The following PHEX variants were observed in gnomAD, a reference collection of about 807,000 sequenced individuals.
PHEX encodes phosphate regulating endopeptidase X-linked.
In PHEX, 16 loss-of-function variants were observed where a neutral mutation model predicts 68.0. That is an observed-to-expected ratio of 0.24 (90% CI 0.16 to 0.36). The LOEUF (loss-of-function observed/expected upper bound fraction) is 0.36. PHEX is among the 10% of genes least tolerant of loss of function. The probability of loss-of-function intolerance (pLI) is 1.00; values close to 1 mark genes in which losing one functional copy is unlikely to be tolerated. For synonymous variants in PHEX, 208 were observed against 205.1 expected (o/e 1.01, Z -0.12); for missense variants, 480 against 575.5 (o/e 0.83, Z 1.70).
At chrX:22,222,377 T>C (rs1935298452) in intron 18 of PHEX, among the ~76,000 whole-genome samples, 1 of 111,755 alleles carries the variant, frequency 8.9e-6, no homozygotes, top group African/African-American at 3.3e-5. Context: ...GAGTCAGACA[T>C]GGGTCCAAAT....
chrX:22,040,815 G>A (rs759387304), intron 2 of PHEX, among the ~76,000 whole-genome samples: 29 of 110,264 alleles, frequency 2.6e-4, no homozygotes, highest in Non-Finnish European at 3.8e-4. Context: ...AGCCTCTGGA[G>A]GCTTTTATGA....
intron 11 of PHEX, among the ~76,000 whole-genome samples, chrX:22,127,082 G>A (rs974740665): frequency 4.6e-5 from 5 of 109,118 alleles, no homozygotes; most frequent in Admixed American, 3.0e-4. Context: ...ATGTTGGCCA[G>A]GCTGGTCTTG....
At chrX:22,046,250 T>C (rs1927522492) in intron 2 of PHEX, among the ~76,000 whole-genome samples, 1 of 111,906 alleles carries the variant, frequency 8.9e-6, no homozygotes. Flanking sequence ...AGGGAGTTAA[T>C]ATGGAAGGTG....
intron 20 of PHEX, among the ~76,000 whole-genome samples, chrX:22,240,376 C>A (rs189634700): frequency 8.9e-6 from 1 of 112,095 alleles, no homozygotes; most frequent in African/African-American, 3.2e-5. Context: ...GGATCAAATT[C>A]ACACATAACA....
rs747100147 is a variant in PHEX, at chrX:22,205,597, A to G, written c.1646-7307A>G. On this transcript the variant is annotated intron_variant, in intron 15 of 21. Transcript: ENST00000379374. ...GTCTGAGTCTGGTTCATAGTTGTCT[A>G]AAATCATCAGCATTTATAAGTTATT... is the stretch of plus-strand genomic sequence containing the variant. Among the ~76,000 whole-genome samples, 436 of 110,537 alleles carry G rather than the reference A, an allele frequency of 3.9e-3. 2 individuals are homozygous for G. Among genetic ancestry groups the G allele is most frequent in the African/African-American group, 0.014 (420 of 30,525 alleles).
At chrX:22,139,384 T>G (rs1026861634) in intron 12 of PHEX, among the ~76,000 whole-genome samples, 1 of 112,261 alleles carries the variant, frequency 8.9e-6, no homozygotes, top group African/African-American at 3.2e-5. Context: ...GGATTTTGGA[T>G]TTTGTGGTTT....
At chrX:22,224,970 T>TTTATTATCATACAGCGCTGTATGAG in intron 18 of PHEX, among the ~76,000 whole-genome samples, 1 of 113,392 alleles carries the variant, frequency 8.8e-6, no homozygotes, top group Non-Finnish European at 1.9e-5. Flanking sequence ...CGCTGTATGA[T>TTTATTATCATACAGCGCTGTATGAG]TTATTATCAT....
intron 9 of PHEX, among the ~76,000 whole-genome samples, chrX:22,101,650 G>A (rs1407403378): frequency 1.8e-5 from 2 of 111,534 alleles, no homozygotes; most frequent in African/African-American, 3.3e-5. Context: ...GGAGGATGGA[G>A]AAACAGAGAG....
At position 22,094,719 on chromosome X, in the gene PHEX, T is replaced by TGACA. The variant is rs753176605; in HGVS notation, c.849+621_849+624dup. 3.4e-3 allele frequency among the ~76,000 whole-genome samples: 379 copies of TGACA among 112,486 alleles called. 2 individuals carry two copies. Among genetic ancestry groups the TGACA allele is most frequent in the Non-Finnish European group, 4.3e-3 (231 of 53,317 alleles). On this transcript the variant is annotated intron_variant, in intron 7 of 21. Transcript: ENST00000379374. ...AATGAATATCATTGTGTCATATACA[T>TGACA]GACACAGAACTACATGTCTATGTAA...
chrX:22,063,239 T>C (rs1928453758), intron 3 of PHEX, among the ~76,000 whole-genome samples: 1 of 112,314 alleles, frequency 8.9e-6, no homozygotes, highest in Non-Finnish European at 1.9e-5. Flanking sequence ...TGCCAAGCAA[T>C]GCCCAACTAA....
intron 13 of PHEX, among the ~76,000 whole-genome samples, chrX:22,171,341 G>GC (rs1202501493): frequency 9.0e-6 from 1 of 110,668 alleles, no homozygotes; most frequent in Non-Finnish European, 1.9e-5. Context: ...GGGGGAAACT[G>GC]CCCCCATGAT....
chrX:22,203,020 G>A (rs754166091), intron 15 of PHEX, among the ~76,000 whole-genome samples: 1 of 110,828 alleles, frequency 9.0e-6, no homozygotes, highest in East Asian at 2.8e-4. Context: ...AAAGATTGAG[G>A]ACCGCTGAGC....
intron 2 of PHEX, among the ~76,000 whole-genome samples, chrX:22,040,615 G>T (rs930702497): frequency 8.9e-6 from 1 of 111,952 alleles, no homozygotes; most frequent in Admixed American, 9.5e-5. Context: ...GATGAGGAGG[G>T]AACTGCTGTG....
At chrX:22,084,730 G>A (rs1026185154) in intron 5 of PHEX, among the ~76,000 whole-genome samples, 7 of 110,315 alleles carry the variant, frequency 6.3e-5, no homozygotes, top group African/African-American at 2.3e-4. Flanking sequence ...TTCAATGTTG[G>A]TAGGTTGCAT....
At chrX:22,148,071 A>G (rs1932760345) in intron 12 of PHEX, among the ~76,000 whole-genome samples, 1 of 111,291 alleles carries the variant, frequency 9.0e-6, no homozygotes, top group Admixed American at 9.6e-5. Flanking sequence ...GGCTTAAAAC[A>G]AGTATTTTAT....
chrX:22,237,397 C>T (rs1936018542), intron 20 of PHEX, among the ~76,000 whole-genome samples: 1 of 111,650 alleles, frequency 9.0e-6, no homozygotes. Context: ...ACCTTTCCTG[C>T]TTTCTATGTC....
intron 20 of PHEX, among the ~76,000 whole-genome samples, chrX:22,238,158 G>C (rs1936049573): frequency 1.8e-5 from 2 of 112,456 alleles, no homozygotes; most frequent in Non-Finnish European, 3.8e-5. Context: ...TGGCTTAATA[G>C]GAACAGCTCT....
At chrX:22,067,266 C>A (rs1254735490) in intron 3 of PHEX, among the ~76,000 whole-genome samples, 1 of 109,800 alleles carries the variant, frequency 9.1e-6, no homozygotes, top group Admixed American at 9.7e-5. Flanking sequence ...GAAAGAAATA[C>A]CCTGTATGGT....
intron 10 of PHEX, among the ~76,000 whole-genome samples, chrX:22,113,943 CTTTTTT>C (rs746349559): frequency 9.4e-5 from 6 of 63,980 alleles, no homozygotes; most frequent in South Asian, 8.6e-4. Flanking sequence ...TCTTCTTCTT[CTTTTTT>C]TTTTTTTTTT....
Sources: allele counts gnomAD v4.1 joint callset (sites outside exome capture counted in the v4.1 genomes callset), GRCh38; gene constraint gnomAD v4.1.1; transcripts MANE v1.5; gene names NCBI Gene and HGNC (gene_info 2026-07-23, HGNC 2026-07-21).